The following CADM2 variants were observed in gnomAD, a reference collection of about 807,000 sequenced individuals.
CADM2 encodes the protein cell adhesion molecule 2.
CADM2 carries 12 observed loss-of-function variants against 49.8 expected under a neutral mutation model. That is an observed-to-expected ratio of 0.24 (90% CI 0.15 to 0.39). The LOEUF (loss-of-function observed/expected upper bound fraction) is 0.39, where lower values mean the gene tolerates loss of function less well. Among genes scored for constraint, CADM2 ranks in the 10% least tolerant of loss-of-function variants. The pLI, the probability that CADM2 is intolerant of heterozygous loss-of-function variation, is 1.00. For missense variants in CADM2, 378 were observed against 492.3 expected, an observed-to-expected ratio of 0.77 and a Z score of 2.20; for synonymous variants, 214 against 175.4, an observed-to-expected ratio of 1.22 and a Z score of -1.74.
At chr3:85,645,311 A>G (rs1392284072) in intron 1 of CADM2, among the ~76,000 whole-genome samples, 2 of 152,060 alleles carry the variant, frequency 1.3e-5, no homozygotes, top group Admixed American at 6.6e-5. Flanking sequence ...CAGTTAAAAG[A>G]CAAGCTGCGT....
intron 1 of CADM2, among the ~76,000 whole-genome samples, chr3:85,359,901 A>G (rs910611473): frequency 6.6e-6 from 1 of 151,174 alleles, no homozygotes; most frequent in African/African-American, 2.4e-5. Context: ...ATAGTATTCT[A>G]TCAGGCAGAT....
chr3:85,318,518 A>G (rs2044523980), intron 1 of CADM2, among the ~76,000 whole-genome samples: 1 of 152,192 alleles, frequency 6.6e-6, no homozygotes, highest in African/African-American at 2.4e-5. Flanking sequence ...AAAAAAATTA[A>G]TAGCAACCAA....
chr3:85,906,527 G>A (rs1288723010), intron 5 of CADM2, among the ~76,000 whole-genome samples: 1 of 152,078 alleles, frequency 6.6e-6, no homozygotes, highest in Non-Finnish European at 1.5e-5. Flanking sequence ...ACCAATGAAT[G>A]GTGGGGTCAT....
intron 1 of CADM2, among the ~76,000 whole-genome samples, chr3:85,494,537 A>T (rs575343228): frequency 2.0e-5 from 3 of 152,150 alleles, no homozygotes; most frequent in Non-Finnish European, 4.4e-5. Flanking sequence ...GTATACAGCA[A>T]TGTCTCAGGC....
chr3:85,210,234 T>A (rs1339184972), intron 1 of CADM2, among the ~76,000 whole-genome samples: 1 of 152,240 alleles, frequency 6.6e-6, no homozygotes, highest in African/African-American at 2.4e-5. Flanking sequence ...ATTGAAATGA[T>A]ATGTTTTTTG....
At chr3:85,463,613 G>T (rs1215201530) in intron 1 of CADM2, among the ~76,000 whole-genome samples, 2 of 152,034 alleles carry the variant, frequency 1.3e-5, no homozygotes, top group African/African-American at 4.8e-5. Flanking sequence ...GTGTACATAT[G>T]AGTGAAAAAA....
At chr3:85,430,223 T>C (rs571718018) in intron 1 of CADM2, among the ~76,000 whole-genome samples, 9 of 152,264 alleles carry the variant, frequency 5.9e-5, no homozygotes, top group Middle Eastern at 3.4e-3. Flanking sequence ...AGGGTACAGA[T>C]CCTTTTATAG....
At chr3:84,969,510 T>A (rs2107080841) in intron 1 of CADM2, among the ~76,000 whole-genome samples, 1 of 151,846 alleles carries the variant, frequency 6.6e-6, no homozygotes, top group East Asian at 1.9e-4. Flanking sequence ...GGTCTATCTT[T>A]TTTTTTAATG....
intron 1 of CADM2, among the ~76,000 whole-genome samples, chr3:85,253,583 T>C (rs1163000975): frequency 6.6e-6 from 1 of 152,124 alleles, no homozygotes; most frequent in Admixed American, 6.6e-5. Flanking sequence ...TTCTCTTTGT[T>C]GAACTGCTGA....
At chr3:85,212,812 C>CACTT (rs2041809977) in intron 1 of CADM2, among the ~76,000 whole-genome samples, 1 of 102,542 alleles carries the variant, frequency 9.8e-6, no homozygotes, top group South Asian at 3.7e-4. Context: ...TCTTTTTCTT[C>CACTT]TCTTTCTTTC....
chr3:85,804,614 G>A (rs928760084), intron 3 of CADM2, among the ~76,000 whole-genome samples: 1 of 152,080 alleles, frequency 6.6e-6, no homozygotes, highest in Non-Finnish European at 1.5e-5. Context: ...AAATCCTCAG[G>A]CACAAAGACA....
At chr3:85,495,087 C>G (rs370175855) in intron 1 of CADM2, among the ~76,000 whole-genome samples, 7 of 152,240 alleles carry the variant, frequency 4.6e-5, no homozygotes, top group African/African-American at 1.7e-4. Flanking sequence ...ATTTCGCAAT[C>G]AGGTAAATCT....
intron 1 of CADM2, among the ~76,000 whole-genome samples, chr3:85,198,873 A>T (rs185211140): frequency 8.2e-4 from 124 of 152,036 alleles, no homozygotes; most frequent in Admixed American, 1.7e-3. Context: ...CCAAATAATT[A>T]TAGTAAGTTC....
intron 1 of CADM2, among the ~76,000 whole-genome samples, chr3:85,502,827 T>C (rs1212564016): frequency 3.3e-5 from 5 of 152,114 alleles, no homozygotes; most frequent in East Asian, 1.9e-4. Context: ...TCTATAAAAG[T>C]ATTCAAGAAA....
At chr3:85,982,129 G>A (rs947544772) in intron 8 of CADM2, among the ~76,000 whole-genome samples, 2 of 151,528 alleles carry the variant, frequency 1.3e-5, no homozygotes, top group Admixed American at 6.6e-5. Context: ...TTTTTCATAT[G>A]CTTGTTAGCC....
chr3:85,992,718 A>C (rs1318395665), intron 8 of CADM2: 1 of 152,212 alleles, frequency 6.6e-6, no homozygotes, highest in Non-Finnish European at 1.5e-5. Flanking sequence ...TTTATTACTA[A>C]AAAATGCTAA....
At chr3:85,714,720 G>C (rs1274798502) in intron 1 of CADM2, among the ~76,000 whole-genome samples, 1 of 152,014 alleles carries the variant, frequency 6.6e-6, no homozygotes, top group Admixed American at 6.6e-5. Context: ...GTGAGCCACC[G>C]CGCCTGGCCC....
chr3:85,962,027 C>A (rs1355556335), intron 8 of CADM2, among the ~76,000 whole-genome samples: 2 of 151,904 alleles, frequency 1.3e-5, no homozygotes, highest in African/African-American at 4.8e-5. Context: ...GTCTCCACCT[C>A]CCGGGTTCAA....
intron 1 of CADM2, among the ~76,000 whole-genome samples, chr3:85,646,304 T>C (rs2064883341): frequency 6.6e-6 from 1 of 152,010 alleles, no homozygotes; most frequent in Non-Finnish European, 1.5e-5. Flanking sequence ...CAATAAATTT[T>C]TATGTTCTAT....
Sources: allele counts gnomAD v4.1 joint callset (sites outside exome capture counted in the v4.1 genomes callset), GRCh38; gene constraint gnomAD v4.1.1; transcripts MANE v1.5; gene names NCBI Gene and HGNC (gene_info 2026-07-23, HGNC 2026-07-21).